The following STARD6 variants were observed in gnomAD, a reference collection of about 807,000 sequenced individuals.
STARD6 encodes stAR-related lipid transfer protein 6.
A neutral mutation model predicts 22.3 loss-of-function variants in STARD6; 21 were observed. The observed-to-expected ratio is 0.94, with a 90% CI of 0.67 to 1.35. The LOEUF is 1.35. STARD6 is among the 40% of genes most tolerant of loss of function. The probability of loss-of-function intolerance (pLI) is 0.00; values close to 1 mark genes in which losing one functional copy is unlikely to be tolerated. For missense variants in STARD6, 269 were observed against 266.9 expected, an observed-to-expected ratio of 1.01 and a Z score of -0.05; for synonymous variants, 80 against 88.1, an observed-to-expected ratio of 0.91 and a Z score of 0.52.
chr18:54,345,776 CT>C (rs1329165675), intron 4 of STARD6, among the ~76,000 whole-genome samples: 4 of 152,086 alleles, frequency 2.6e-5, no homozygotes, highest in Non-Finnish European at 2.9e-5. Context: ...AAGGAAACTC[CT>C]AATGTATATG....
intron 4 of STARD6, among the ~76,000 whole-genome samples, chr18:54,342,686 C>A (rs1406662840): frequency 1.0e-5 from 1 of 100,476 alleles, no homozygotes; most frequent in Non-Finnish European, 1.9e-5. Flanking sequence ...CGGTCTCCAG[C>A]CCCTAACCGC....
chr18:54,332,327 C>T (rs1276072038), intron 5 of STARD6, among the ~76,000 whole-genome samples: 2 of 152,196 alleles, frequency 1.3e-5, no homozygotes, highest in East Asian at 3.9e-4. Flanking sequence ...CCAGGAGGGT[C>T]TTGAATGGCC....
At chr18:54,352,139 T>C (rs2089104102) in intron 4 of STARD6, among the ~76,000 whole-genome samples, 1 of 151,890 alleles carries the variant, frequency 6.6e-6, no homozygotes. Flanking sequence ...GTTTTTTTTT[T>C]TCAGATTTTC....
chr18:54,341,136 T>C (rs537653525), intron 4 of STARD6, among the ~76,000 whole-genome samples: 1 of 152,344 alleles, frequency 6.6e-6, no homozygotes, highest in African/African-American at 2.4e-5. Flanking sequence ...CTCGGCTCAC[T>C]GCAACCTCCG....
chr18:54,345,430 CAGAG>C (rs780862253), intron 4 of STARD6, among the ~76,000 whole-genome samples: 18 of 152,062 alleles, frequency 1.2e-4, no homozygotes, highest in Non-Finnish European at 2.2e-4. Flanking sequence ...TCAAAATAAA[CAGAG>C]AGACATCCTA....
intron 1 of STARD6, among the ~76,000 whole-genome samples, chr18:54,357,535 T>C (rs2089164891): frequency 6.6e-6 from 1 of 152,080 alleles, no homozygotes. Flanking sequence ...GCGGGGAGGC[T>C]GAACTCACTT....
intron 4 of STARD6, among the ~76,000 whole-genome samples, chr18:54,345,735 G>A (rs2089027818): frequency 6.6e-6 from 1 of 152,184 alleles, no homozygotes; most frequent in South Asian, 2.1e-4. Context: ...AGGACAGACA[G>A]AGAGATCAAC....
chr18:54,353,971 G>C, intron 4 of STARD6, 83 bp downstream of exon 4: 1 of 759,906 alleles, frequency 1.3e-6, no homozygotes, highest in Non-Finnish European at 2.2e-6. Flanking sequence ...ATTTATTATA[G>C]CTAATGAAGC....
rs557345320 is a variant in STARD6, at chr18:54,331,704, CA to C, written c.385+37del. 553 of 1,338,152 alleles carry C rather than the reference CA, an allele frequency of 4.1e-4. 4 individuals carry two copies. In the South Asian group the frequency reaches 6.4e-3, roughly 16 times the overall value. 82.9% of individuals were successfully genotyped at this position (1,338,152 alleles called of 1,614,324 possible). A position where few individuals can be genotyped will look rare whatever the true frequency, so the allele number is the denominator to read the frequency against. On this transcript the variant is annotated intron_variant, in intron 6 of 7. Coordinates refer to ENST00000307844, the MANE Select transcript of STARD6 (RefSeq NM_139171.2). ...AGGGAAAACATTTATTAATGGCTCG[CA>C]GTAATTCCAAGATATGGGCAAAATG...
At chr18:54,337,372 G>A (rs2088925416) in intron 4 of STARD6, 121 bp from the exon 5 acceptor site, 1 of 804,210 alleles carries the variant, frequency 1.2e-6, no homozygotes, top group African/African-American at 1.7e-5. Context: ...AAAACTTGAA[G>A]GTACTATCAG....
intron 6 of STARD6, among the ~76,000 whole-genome samples, chr18:54,330,829 A>G (rs59638849): frequency 0.12 from 17,997 of 152,130 alleles, 3,581 homozygotes; most frequent in African/African-American, 0.41. Flanking sequence ...ATCTGTTCAG[A>G]CAAACTATTT....
intron 4 of STARD6, among the ~76,000 whole-genome samples, chr18:54,346,126 G>A (rs183191817): frequency 6.6e-6 from 1 of 152,026 alleles, no homozygotes; most frequent in Non-Finnish European, 1.5e-5. Context: ...AGAGTGAGAA[G>A]ACAACCTACA....
chr18:54,329,625 T>G (rs2088850941), intron 6 of STARD6, among the ~76,000 whole-genome samples, 185 bp from the exon 7 acceptor site: 1 of 152,084 alleles, frequency 6.6e-6, no homozygotes, highest in African/African-American at 2.4e-5. Flanking sequence ...TCAACACTAT[T>G]GTCCTCTTGA....
At chr18:54,352,133 T>G (rs2089103996) in intron 4 of STARD6, among the ~76,000 whole-genome samples, 1 of 151,936 alleles carries the variant, frequency 6.6e-6, no homozygotes, top group Non-Finnish European at 1.5e-5. Context: ...GTTTTTGTTT[T>G]TTTTTTTCAG....
At chr18:54,351,116 T>C (rs561758102) in intron 4 of STARD6, among the ~76,000 whole-genome samples, 3 of 152,340 alleles carry the variant, frequency 2.0e-5, no homozygotes, top group Admixed American at 2.0e-4. Flanking sequence ...TCCATGAGCA[T>C]GGGATGTGTT....
intron 4 of STARD6, among the ~76,000 whole-genome samples, chr18:54,338,502 A>G (rs1167056554): frequency 6.6e-6 from 1 of 152,188 alleles, no homozygotes; most frequent in Non-Finnish European, 1.5e-5. Context: ...GGGGAAATAG[A>G]CTTCACAGAA....
intron 4 of STARD6, among the ~76,000 whole-genome samples, chr18:54,339,429 C>T (rs1024934534): frequency 5.3e-5 from 8 of 150,780 alleles, no homozygotes; most frequent in African/African-American, 1.9e-4. Context: ...CCAGATATAT[C>T]ATAGTCAAAA....
intron 4 of STARD6, among the ~76,000 whole-genome samples, chr18:54,351,973 A>T (rs1253296858): frequency 7.5e-6 from 1 of 133,308 alleles, no homozygotes; most frequent in Non-Finnish European, 1.5e-5. Context: ...CATAGAATGG[A>T]GGATTCCTTC....
chr18:54,344,841 C>T (rs2089020699), intron 4 of STARD6, among the ~76,000 whole-genome samples: 1 of 152,086 alleles, frequency 6.6e-6, no homozygotes, highest in East Asian at 1.9e-4. Context: ...ACGACAAAAT[C>T]CAACACCCAT....
Sources: allele counts gnomAD v4.1 joint callset (sites outside exome capture counted in the v4.1 genomes callset), GRCh38; gene constraint gnomAD v4.1.1; transcripts MANE v1.5; gene names NCBI Gene and HGNC (gene_info 2026-07-23, HGNC 2026-07-21).